The following ERICH6B variants were observed in gnomAD, a reference collection of about 807,000 sequenced individuals.
ERICH6B encodes glutamate-rich protein 6B.
ERICH6B carries 69 observed loss-of-function variants against 80.0 expected under a neutral mutation model. The observed-to-expected ratio is 0.86, with a 90% CI of 0.71 to 1.05. The LOEUF (loss-of-function observed/expected upper bound fraction) is 1.05, where lower values mean the gene tolerates loss of function less well. Ranked by LOEUF, ERICH6B falls within the 50% of genes least tolerant of loss-of-function variation. The pLI is 0.00. For synonymous variants in ERICH6B, 283 were observed against 291.9 expected, an observed-to-expected ratio of 0.97 and a Z score of 0.31; for missense variants, 754 against 796.1, an observed-to-expected ratio of 0.95 and a Z score of 0.64.
chr13:45,589,257 C>A (rs970721127), intron 4 of ERICH6B, among the ~76,000 whole-genome samples: 1 of 152,016 alleles, frequency 6.6e-6, no homozygotes, highest in Non-Finnish European at 1.5e-5. Flanking sequence ...ACCAGGAAGG[C>A]CCCCCCAGGG....
At chr13:45,559,621 T>G (rs1874583591) in intron 11 of ERICH6B, among the ~76,000 whole-genome samples, 1 of 152,190 alleles carries the variant, frequency 6.6e-6, no homozygotes, top group East Asian at 1.9e-4. Flanking sequence ...TCTAAAAATT[T>G]TTAAATTTCC....
At chr13:45,545,948 T>G (rs1381765920) in intron 13 of ERICH6B, among the ~76,000 whole-genome samples, 1 of 152,246 alleles carries the variant, frequency 6.6e-6, no homozygotes, top group African/African-American at 2.4e-5. Context: ...GGGTTCAGTA[T>G]TGGCCAATTC....
intron 1 of ERICH6B, among the ~76,000 whole-genome samples, chr13:45,611,516 G>A (rs189710791): frequency 4.7e-4 from 72 of 152,360 alleles, no homozygotes; most frequent in African/African-American, 1.7e-3. Flanking sequence ...AATGCAAAGA[G>A]TGCAAAACCT....
intron 3 of ERICH6B, among the ~76,000 whole-genome samples, chr13:45,594,807 A>G (rs1876296840): frequency 6.6e-6 from 1 of 152,222 alleles, no homozygotes; most frequent in Non-Finnish European, 1.5e-5. Flanking sequence ...GGATCCAGAA[A>G]AATAGTTTAG....
chr13:45,602,143 C>T (rs562582329), intron 2 of ERICH6B, among the ~76,000 whole-genome samples: 17 of 152,262 alleles, frequency 1.1e-4, no homozygotes, highest in East Asian at 3.9e-4. Flanking sequence ...GATTGGGGTC[C>T]GTCTGTCCTT....
At chr13:45,605,709 C>T (rs1448090992) in intron 2 of ERICH6B, among the ~76,000 whole-genome samples, 2 of 152,248 alleles carry the variant, frequency 1.3e-5, no homozygotes. Context: ...CTTTAGCTCT[C>T]TCACAGCCTC....
At chr13:45,615,139 T>C (rs575287832) in intron 1 of ERICH6B, among the ~76,000 whole-genome samples, 18 of 152,338 alleles carry the variant, frequency 1.2e-4, no homozygotes, top group African/African-American at 4.3e-4. Context: ...TGGTCACTGC[T>C]CACATCTCCC....
chr13:45,579,813 C>T (rs1414214744), intron 7 of ERICH6B, 120 bp downstream of exon 7: 4 of 935,466 alleles, frequency 4.3e-6, no homozygotes, highest in Non-Finnish European at 6.7e-6. Flanking sequence ...GCCCCTCAGT[C>T]CCCTCTGGGC....
Position 45,596,517 on chromosome 13 carries a change from AT to A in ERICH6B, c.488del (p.Tyr163PhefsTer14). On this transcript the variant is annotated frameshift_variant, in exon 3 of 15. Transcript: ENST00000298738. LOFTEE classifies it high-confidence loss of function. ...EEVDYLGKKA[Y>X]LEEEEYLGKK... Reference sequence around the variant, plus strand: ...TCCCCAGATACTCCTCCTCCTCCAGATACGCTTTCTTCCCCAGATAATCTAC... The same window carrying A: ...TCCCCAGATACTCCTCCTCCTCCAGAACGCTTTCTTCCCCAGATAATCTAC... 1.3e-6 allele frequency: 2 copies of A among 1,551,424 alleles called. No individual in the cohort carries two copies. The highest frequency in any genetic ancestry group is 1.7e-6 in the Non-Finnish European group (2 of 1,146,834).
intron 11 of ERICH6B, 61 bp from the exon 12 acceptor site, chr13:45,550,377 C>A: frequency 7.3e-7 from 1 of 1,378,054 alleles, no homozygotes; most frequent in Non-Finnish European, 1.0e-6. Flanking sequence ...AACTGTCCTA[C>A]TGCAGAGCAC....
intron 11 of ERICH6B, among the ~76,000 whole-genome samples, chr13:45,551,810 T>A (rs1593774525): frequency 6.6e-6 from 1 of 152,188 alleles, no homozygotes; most frequent in East Asian, 1.9e-4. Context: ...TCTCGTTCTC[T>A]CTCTTGCCCT....
At chr13:45,546,785 G>A (rs1874010695) in intron 13 of ERICH6B, among the ~76,000 whole-genome samples, 1 of 152,154 alleles carries the variant, frequency 6.6e-6, no homozygotes, top group Admixed American at 6.5e-5. Context: ...ACGGAACACA[G>A]GGGCCTCATC....
Position 45,587,127 on chromosome 13 carries a change from C to G in ERICH6B, c.792G>C (p.Leu264Phe), listed in dbSNP as rs114559439. The G allele has an allele frequency of 3.6e-4, 561 of 1,551,662 alleles. 3 individuals are homozygous for G. In the African/African-American group the frequency reaches 6.8e-3, roughly 19 times the overall value. The part of the protein sequence containing the change: ...VSESATESSE[L>F]LLTLYRRSQA... ...GGCTCCTCCTGTACAATGTCAGAAG[C>G]AACTCAGAAGACTCTGTGGCAGATT... The change falls in exon 5 of 15, where the codon TTG (leucine) becomes TTC (phenylalanine). Residue 264 changes from leucine (L) to phenylalanine (F), a missense_variant. Coordinates refer to ENST00000298738, the MANE Select transcript of ERICH6B (RefSeq NM_182542.3).
chr13:45,543,136 C>A (rs924266906), intron 14 of ERICH6B, among the ~76,000 whole-genome samples: 1 of 152,132 alleles, frequency 6.6e-6, no homozygotes, highest in Non-Finnish European at 1.5e-5. Context: ...GGAGCCTTCC[C>A]TGTGGAATGG....
chr13:45,546,765 T>C (rs1374672268), intron 13 of ERICH6B, among the ~76,000 whole-genome samples: 1 of 152,152 alleles, frequency 6.6e-6, no homozygotes, highest in Non-Finnish European at 1.5e-5. Context: ...TTTGTATATA[T>C]GAACCTTTCA....
At chr13:45,601,252 G>A (rs915822837) in intron 2 of ERICH6B, among the ~76,000 whole-genome samples, 1 of 152,062 alleles carries the variant, frequency 6.6e-6, no homozygotes, top group African/African-American at 2.4e-5. Context: ...TAGTTCATGA[G>A]TAAAATATAT....
chr13:45,553,582 ATACTT>A (rs1288237178), intron 11 of ERICH6B, among the ~76,000 whole-genome samples: 1 of 152,162 alleles, frequency 6.6e-6, no homozygotes, highest in African/African-American at 2.4e-5. Flanking sequence ...ACTGCACTAA[ATACTT>A]TAATTCCACA....
At chr13:45,556,756 T>G (rs1566287677) in intron 11 of ERICH6B, among the ~76,000 whole-genome samples, 1 of 152,108 alleles carries the variant, frequency 6.6e-6, no homozygotes, top group Non-Finnish European at 1.5e-5. Flanking sequence ...CTGAGTAGTA[T>G]TCCATCATAT....
chr13:45,560,543 A>G (rs1166908471), intron 11 of ERICH6B, among the ~76,000 whole-genome samples: 3 of 152,234 alleles, frequency 2.0e-5, no homozygotes, highest in Non-Finnish European at 2.9e-5. Flanking sequence ...CGAATGTACA[A>G]TGACATGTAT....
Sources: allele counts gnomAD v4.1 joint callset (sites outside exome capture counted in the v4.1 genomes callset), GRCh38; gene constraint gnomAD v4.1.1; transcripts MANE v1.5; gene names NCBI Gene and HGNC (gene_info 2026-07-23, HGNC 2026-07-21).